The following UPP1 variants were observed in gnomAD, a reference collection of about 807,000 sequenced individuals.
UPP1 encodes uridine phosphorylase 1, also known as UPase 1.
In UPP1, 25 loss-of-function variants were observed where a neutral mutation model predicts 29.6. The observed-to-expected ratio is 0.85, with a 90% CI of 0.62 to 1.18. UPP1 has a LOEUF of 1.18. Among genes scored for constraint, UPP1 ranks in the 50% most tolerant of loss-of-function variants. The pLI is 0.00. For synonymous variants in UPP1, 165 were observed against 159.8 expected, an observed-to-expected ratio of 1.03 and a Z score of -0.25; for missense variants, 368 against 410.4, an observed-to-expected ratio of 0.90 and a Z score of 0.89.
chr7:48,094,889 T>A, intron 3 of UPP1, 62 bp downstream of exon 3: 1 of 1,571,348 alleles, frequency 6.4e-7, no homozygotes, highest in Non-Finnish European at 8.7e-7. Context: ...AGAGCATATG[T>A]TGTGCCACAC....
rs1432210490 is a variant in UPP1, at chr7:48,108,311, A to G, written c.887A>G (p.Gln296Arg). 6 of 1,614,008 alleles carry G rather than the reference A, an allele frequency of 3.7e-6. No individual in the cohort carries two copies. Among genetic ancestry groups the G allele is most frequent in the Non-Finnish European group, 5.1e-6 (6 of 1,180,018 alleles). Reference protein sequence around the residue: ...NVLSEYQQRPQRLVSYFIKKK... With the variant: ...NVLSEYQQRPRRLVSYFIKKK... ...CTCAGCGAGTACCAGCAGAGGCCGC[A>G]GCGGCTGGTGAGCTACTTCATCAAG... The change falls in exon 9 of 9, where the codon CAG becomes CGG. Residue 296 changes from glutamine to arginine, a missense_variant. Physicochemically the swap from Gln to Arg is conservative, Grantham distance 43. Transcript: ENST00000395564.
chr7:48,103,212 T>C (rs1025822871), intron 5 of UPP1, 85 bp from the exon 6 acceptor site: 25 of 1,003,354 alleles, frequency 2.5e-5, no homozygotes, highest in African/African-American at 9.5e-5. Context: ...GCATGTTAGA[T>C]TGAATTACAT....
At chr7:48,089,580 G>C (rs917396911) in intron 1 of UPP1, 162 bp downstream of exon 1, 8 of 153,722 alleles carry the variant, frequency 5.2e-5, no homozygotes, top group African/African-American at 1.9e-4. Context: ...CGGCGCGGCT[G>C]CGCGGGGAGG....
intron 1 of UPP1, 197 bp downstream of exon 1, chr7:48,089,615 G>T: frequency 6.5e-6 from 1 of 153,854 alleles, no homozygotes; most frequent in South Asian, 2.0e-4. Flanking sequence ...GGAGGTTCTG[G>T]GGCTGGTGTG....
chr7:48,107,630 T>C, intron 8 of UPP1, 123 bp downstream of exon 8: 1 of 1,169,366 alleles, frequency 8.6e-7, no homozygotes, highest in Non-Finnish European at 1.2e-6. Context: ...CTGTTTCCGC[T>C]GCCCCCAAGT....
intron 2 of UPP1, among the ~76,000 whole-genome samples, chr7:48,091,704 A>G (rs1486212751): frequency 6.6e-6 from 1 of 152,182 alleles, no homozygotes; most frequent in Non-Finnish European, 1.5e-5. Flanking sequence ...TGCAGGGCTG[A>G]AAAGTGGAGA....
In UPP1 at chr7:48,099,776, G is replaced by A; in HGVS notation, c.151G>A (p.Gly51Arg). 1 of 1,610,576 alleles carries A rather than the reference G, an allele frequency of 6.2e-7. No homozygotes were observed. Among genetic ancestry groups the A allele is most frequent in the Admixed American group, 1.7e-5 (1 of 60,016 alleles). Reference sequence around the variant, plus strand: ...CAGACACAATTTCCCAGCCTTGTTTGGAGATGTGAAGGTAAGAGGCCAGGT... The same window carrying A: ...CAGACACAATTTCCCAGCCTTGTTTAGAGATGTGAAGGTAAGAGGCCAGGT... ...TSRHNFPALF[G>R]DVKFVCVGGS... The change falls in exon 4 of 9, where the codon GGA (glycine) becomes AGA (arginine). Residue 51 changes from glycine (G) to arginine (R), a missense_variant. Coordinates refer to ENST00000395564, the MANE Select transcript of UPP1 (RefSeq NM_003364.4).
intron 5 of UPP1, among the ~76,000 whole-genome samples, chr7:48,102,189 A>G (rs187217940): frequency 1.3e-5 from 2 of 152,278 alleles, no homozygotes; most frequent in East Asian, 3.9e-4. Flanking sequence ...GACTAAGTAC[A>G]CAAATGCATA....
At chr7:48,107,227 G>T in intron 7 of UPP1, 134 bp from the exon 8 acceptor site, 1 of 1,397,702 alleles carries the variant, frequency 7.2e-7, no homozygotes, top group Non-Finnish European at 9.9e-7. Context: ...ATAATGACCC[G>T]TTTGAGTGGT....
intron 6 of UPP1, among the ~76,000 whole-genome samples, 188 bp downstream of exon 6, chr7:48,103,599 C>T (rs1792554497): frequency 6.6e-6 from 1 of 152,144 alleles, no homozygotes; most frequent in South Asian, 2.1e-4. Flanking sequence ...GTTCTCCCAA[C>T]CCGCACCCCA....
intron 4 of UPP1, 80 bp from the exon 5 acceptor site, chr7:48,101,744 T>G: frequency 1.4e-6 from 2 of 1,449,204 alleles, no homozygotes; most frequent in South Asian, 2.6e-5. Flanking sequence ...GTAATACTGA[T>G]GTTGCTGGTC....
Position 48,108,484 on chromosome 7 carries a change from GAGAC to G in UPP1, c.*131_*134del, listed in dbSNP as rs1364424797. 1 of 1,168,054 alleles carries G rather than the reference GAGAC, an allele frequency of 8.6e-7. No individual in the cohort carries two copies. The highest frequency in any genetic ancestry group is 1.5e-5 in the African/African-American group (1 of 64,600). The allele number at this position is 1,168,054 out of a possible 1,614,324, so 72.4% of individuals were successfully genotyped here. ...ATCTAGAAAATCAGATCGCGATTAAGAGACAGAGAATCTTGGATTAACCGCATGG... is the reference window on the plus strand; with the variant it reads ...ATCTAGAAAATCAGATCGCGATTAAGAGAGAATCTTGGATTAACCGCATGG... On this transcript the variant is annotated 3_prime_UTR_variant, in exon 9 of 9. Transcript: ENST00000395564.
intron 6 of UPP1, chr7:48,103,752 G>A: frequency 7.7e-7 from 1 of 1,293,698 alleles, no homozygotes. Flanking sequence ...CCTTTCCTTT[G>A]CTTACTTTTC....
Position 48,107,438 on chromosome 7 carries a change from G to A in UPP1, c.724G>A (p.Ala242Thr), listed in dbSNP as rs529709103. 6.2e-7 allele frequency: 1 copy of A among 1,614,200 alleles called. No homozygotes were observed. The highest frequency in any genetic ancestry group is 2.2e-5 in the East Asian group (1 of 44,872). The stretch of plus-strand genomic sequence containing the variant: ...GGCGTATCTGGAGGCAGCCTATGCA[G>A]CCGGCGTCCGCAATATCGAGATGGA... ...KQAYLEAAYA[A>T]GVRNIEMESS... The change falls in exon 8 of 9, where the codon GCC becomes ACC. Residue 242 changes from alanine to threonine, a missense_variant. Transcript: ENST00000395564.
chr7:48,103,204 A>G (rs1464631994), intron 5 of UPP1, 93 bp from the exon 6 acceptor site: 2 of 872,228 alleles, frequency 2.3e-6, no homozygotes, highest in Non-Finnish European at 3.9e-6. Context: ...GTCAATGGGC[A>G]TGTTAGATTG....
At chr7:48,107,167 G>T in intron 7 of UPP1, 85 bp downstream of exon 7, 4 of 1,512,666 alleles carry the variant, frequency 2.6e-6, no homozygotes, top group South Asian at 2.3e-5. Context: ...GTGGACTGGC[G>T]TTTCCACTTG....
chr7:48,094,644 C>G, intron 2 of UPP1, 119 bp from the exon 3 acceptor site: 2 of 779,934 alleles, frequency 2.6e-6, no homozygotes, highest in South Asian at 1.6e-5. Flanking sequence ...CACACACTTA[C>G]ATCAGGTGTG....
intron 3 of UPP1, among the ~76,000 whole-genome samples, chr7:48,096,703 T>G (rs1792147315): frequency 6.6e-6 from 1 of 152,220 alleles, no homozygotes; most frequent in Admixed American, 6.5e-5. Flanking sequence ...TTTTTTTTCC[T>G]TTTTGTCTTT....
chr7:48,092,138 C>T (rs1791873045), intron 2 of UPP1, among the ~76,000 whole-genome samples: 1 of 152,100 alleles, frequency 6.6e-6, no homozygotes, highest in Non-Finnish European at 1.5e-5. Context: ...CCATTAGCTC[C>T]CTACCCCTAA....
Sources: allele counts gnomAD v4.1 joint callset (sites outside exome capture counted in the v4.1 genomes callset), GRCh38; gene constraint gnomAD v4.1.1; transcripts MANE v1.5; gene names NCBI Gene and HGNC (gene_info 2026-07-23, HGNC 2026-07-21).